Variants in NREP observed in about 807,000 individuals in gnomAD.
NREP encodes neuronal regeneration related protein.
Under a neutral mutation model 8.6 loss-of-function variants are expected in NREP, and 5 were observed. The ratio of observed to expected loss-of-function variants is 0.58; its 90% confidence interval spans 0.30 to 1.22. The LOEUF is 1.22. Among genes scored for constraint, NREP ranks in the 50% most tolerant of loss-of-function variants. The pLI is 0.07. For synonymous variants in NREP, 27 were observed against 28.0 expected, an observed-to-expected ratio of 0.96 and a Z score of 0.11; for missense variants, 86 against 82.5, an observed-to-expected ratio of 1.04 and a Z score of -0.17.
At chr5:111,781,684 G>A (rs987383246) in intron 2 of NREP, among the ~76,000 whole-genome samples, 1 of 152,180 alleles carries the variant, frequency 6.6e-6, no homozygotes, top group African/African-American at 2.4e-5. Flanking sequence ...TAACAACTTT[G>A]TGATGAAATT....
chr5:111,745,427 T>C (rs2112825760), intron 2 of NREP, among the ~76,000 whole-genome samples: 1 of 152,282 alleles, frequency 6.6e-6, no homozygotes, highest in South Asian at 2.1e-4. Flanking sequence ...CTTTTTTCAA[T>C]GTTCCCTGGA....
intron 2 of NREP, among the ~76,000 whole-genome samples, 200 bp from the exon 3 acceptor site, chr5:111,735,707 C>A (rs145605922): frequency 1.3e-5 from 2 of 152,262 alleles, no homozygotes; most frequent in East Asian, 1.9e-4. Context: ...AGTTTCAGCT[C>A]GATGTCTTCC....
intron 2 of NREP, among the ~76,000 whole-genome samples, chr5:111,966,313 T>A (rs556752649): frequency 6.6e-6 from 1 of 152,178 alleles, no homozygotes; most frequent in Non-Finnish European, 1.5e-5. Flanking sequence ...TTGATTAAAA[T>A]GAAATTAAAA....
chr5:111,738,211 T>C (rs1749323663), intron 2 of NREP: 1 of 152,232 alleles, frequency 6.6e-6, no homozygotes, highest in South Asian at 2.1e-4. Flanking sequence ...TGTTCTTTCT[T>C]ATACCTGCAG....
At chr5:111,919,737 G>A (rs865955489) in intron 2 of NREP, among the ~76,000 whole-genome samples, 208 of 152,008 alleles carry the variant, frequency 1.4e-3, no homozygotes, top group African/African-American at 4.9e-3. Context: ...TGAGGGACTA[G>A]GAGAGGGATA....
intron 2 of NREP, among the ~76,000 whole-genome samples, chr5:111,938,586 G>A (rs1196458188): frequency 2.6e-5 from 4 of 152,062 alleles, no homozygotes; most frequent in South Asian, 2.1e-4. Context: ...ATTTCAGATC[G>A]GTCACTTACT....
chr5:111,817,804 C>CA (rs145517030), intron 2 of NREP, among the ~76,000 whole-genome samples: 14,605 of 55,234 alleles, frequency 0.26, 1,671 homozygotes, highest in East Asian at 0.36. Context: ...GACTTCATCT[C>CA]AAAAAAAAAA....
intron 2 of NREP, among the ~76,000 whole-genome samples, chr5:111,847,024 C>T (rs1753193133): frequency 6.6e-6 from 1 of 152,036 alleles, no homozygotes; most frequent in Non-Finnish European, 1.5e-5. Context: ...ACGACTGATG[C>T]CAGAGACTGC....
chr5:111,764,258 G>A (rs1026020572), intron 2 of NREP, among the ~76,000 whole-genome samples: 2 of 152,184 alleles, frequency 1.3e-5, no homozygotes, highest in African/African-American at 2.4e-5. Context: ...TTCAGAGGCA[G>A]AGATGGAAGG....
intron 2 of NREP, among the ~76,000 whole-genome samples, chr5:111,817,558 C>G (rs1230559343): frequency 6.6e-6 from 1 of 152,014 alleles, no homozygotes; most frequent in Non-Finnish European, 1.5e-5. Flanking sequence ...GTAATCCCAG[C>G]ACTTTGGGAG....
intron 2 of NREP, among the ~76,000 whole-genome samples, chr5:111,801,544 TAGAG>T: frequency 6.6e-6 from 1 of 152,238 alleles, no homozygotes; most frequent in East Asian, 1.9e-4. Flanking sequence ...AAGCAGAAGG[TAGAG>T]AGTGTTGGCA....
chr5:111,970,949 T>C (rs946825064), intron 2 of NREP, among the ~76,000 whole-genome samples: 3 of 151,720 alleles, frequency 2.0e-5, no homozygotes, highest in Non-Finnish European at 4.4e-5. Context: ...TTAGTGTGCA[T>C]CAGAATTACC....
chr5:111,799,890 G>C (rs1239071807), intron 2 of NREP, among the ~76,000 whole-genome samples: 4 of 152,106 alleles, frequency 2.6e-5, no homozygotes, highest in Non-Finnish European at 4.4e-5. Flanking sequence ...TTGTTGGTTT[G>C]TTGGTAGTAA....
At chr5:111,933,765 C>T (rs922395888) in intron 2 of NREP, among the ~76,000 whole-genome samples, 4 of 152,034 alleles carry the variant, frequency 2.6e-5, no homozygotes, top group South Asian at 4.1e-4. Flanking sequence ...CTGAAGAATT[C>T]TTTTTGCTCT....
At chr5:111,912,661 C>A (rs895475887) in intron 2 of NREP, 1 of 152,060 alleles carries the variant, frequency 6.6e-6, no homozygotes, top group Non-Finnish European at 1.5e-5. Context: ...TAACTGAAGA[C>A]AGGATCAAGA....
At chr5:111,912,056 T>C (rs947393403) in intron 2 of NREP, among the ~76,000 whole-genome samples, 4 of 152,134 alleles carry the variant, frequency 2.6e-5, no homozygotes, top group African/African-American at 7.2e-5. Flanking sequence ...GATGTAAATT[T>C]AGGAGAACCA....
At chr5:111,760,632 A>T (rs1750939130), upstream of NREP, among the ~76,000 whole-genome samples, 1 of 152,206 alleles carries the variant, frequency 6.6e-6, no homozygotes, top group Admixed American at 6.5e-5. Flanking sequence ...TGAGGCCTAA[A>T]CTGAATTTGT....
chr5:111,903,692 G>GA (rs1324601669), intron 2 of NREP, among the ~76,000 whole-genome samples: 1 of 151,874 alleles, frequency 6.6e-6, no homozygotes, highest in African/African-American at 2.4e-5. Context: ...TTTCTTATGG[G>GA]AAAAAACAAG....
At chr5:111,788,563 C>G (rs1420538384) in intron 2 of NREP, among the ~76,000 whole-genome samples, 2 of 152,134 alleles carry the variant, frequency 1.3e-5, no homozygotes, top group Non-Finnish European at 2.9e-5. Context: ...TCACATGCAC[C>G]CAGAATTCCT....
Sources: allele counts gnomAD v4.1 joint callset (sites outside exome capture counted in the v4.1 genomes callset), GRCh38; gene constraint gnomAD v4.1.1; transcripts MANE v1.5; gene names NCBI Gene and HGNC (gene_info 2026-07-23, HGNC 2026-07-21).